The following FAM222A variants were observed in gnomAD, a reference collection of about 807,000 sequenced individuals.
The protein encoded by FAM222A is family with sequence similarity 222 member A.
In FAM222A, 7 loss-of-function variants were observed where a neutral mutation model predicts 25.8. That is an observed-to-expected ratio of 0.27 (90% CI 0.15 to 0.51). The LOEUF (loss-of-function observed/expected upper bound fraction) is 0.51. Ranked by LOEUF, FAM222A falls within the 20% of genes least tolerant of loss-of-function variation. FAM222A has a pLI of 0.97. For synonymous variants in FAM222A, 294 were observed against 298.8 expected, an observed-to-expected ratio of 0.98 and a Z score of 0.17; for missense variants, 573 against 640.5, an observed-to-expected ratio of 0.89 and a Z score of 1.14.
At chr12:109,761,983 C>A (rs1395131642) in intron 2 of FAM222A, among the ~76,000 whole-genome samples, 1 of 152,116 alleles carries the variant, frequency 6.6e-6, no homozygotes, top group Non-Finnish European at 1.5e-5. Flanking sequence ...CCAGCTGTGC[C>A]AGGTCCCATG....
rs138993259 is a variant in FAM222A at position 109,769,225 on chromosome 12, G to A, written c.1296G>A (p.Thr432=). The A allele has an allele frequency of 1.2e-4, 193 of 1,611,740 alleles. No individual in the cohort carries two copies. Among genetic ancestry groups the A allele is most frequent in the Non-Finnish European group, 1.5e-4 (178 of 1,179,622 alleles). Residue 432 remains threonine (T), a synonymous_variant, in exon 3 of 3, where the codon ACG becomes ACA. Coordinates refer to ENST00000538780, the MANE Select transcript of FAM222A (RefSeq NM_032829.3). ...KEQMLGKGYE[T]VAVPRLLDHQ... ...AGATGCTGGGCAAGGGCTATGAGAC[G>A]GTGGCCGTGCCCCGGCTACTCGACC...
At chr12:109,757,616 G>A (rs374346814) in intron 2 of FAM222A, among the ~76,000 whole-genome samples, 2 of 152,122 alleles carry the variant, frequency 1.3e-5, no homozygotes, top group African/African-American at 2.4e-5. Flanking sequence ...GGATAGAAAG[G>A]ATTTCCAAAA....
chr12:109,730,739 TC>T (rs1887932315), intron 1 of FAM222A, among the ~76,000 whole-genome samples: 1 of 152,184 alleles, frequency 6.6e-6, no homozygotes, highest in Admixed American at 6.5e-5. Flanking sequence ...GTGACTGCAC[TC>T]GTTGGAGCAT....
In FAM222A at chr12:109,719,297, C is replaced by T. The variant is rs562794073; in HGVS notation, c.-47+4400C>T. ...AGAGAAGGTATTATACTTTGCTGCC[C>T]GAGGTCACACAGCCAGGGAGTGGCA... On this transcript the variant is annotated intron_variant, in intron 1 of 2. Coordinates refer to ENST00000538780, the MANE Select transcript of FAM222A (RefSeq NM_032829.3). Among the ~76,000 whole-genome samples, 8 of 152,244 alleles carry T rather than the reference C, an allele frequency of 5.3e-5. No individual in the cohort carries two copies. The East Asian group carries it at 1.4e-3, about 26-fold the overall frequency.
At chr12:109,730,640 C>T (rs1887930363) in intron 1 of FAM222A, among the ~76,000 whole-genome samples, 1 of 152,156 alleles carries the variant, frequency 6.6e-6, no homozygotes, top group Non-Finnish European at 1.5e-5. Flanking sequence ...ATTGGGGTTG[C>T]GTGGGCGTGT....
Position 109,768,582 on chromosome 12 carries a change from C to T in FAM222A, c.653C>T (p.Pro218Leu). 1 of 1,602,314 alleles carries T rather than the reference C, an allele frequency of 6.2e-7. No homozygotes were observed. Reference protein sequence around the residue: ...QQCQAPGAAPPACQGMAIPHP... With the variant: ...QQCQAPGAAPLACQGMAIPHP... ...TGCCAGGCCCCGGGCGCCGCACCCCCTGCCTGCCAGGGCATGGCTATTCCC... is the reference window on the plus strand; with the variant it reads ...TGCCAGGCCCCGGGCGCCGCACCCCTTGCCTGCCAGGGCATGGCTATTCCC... Residue 218 changes from proline to leucine, a missense_variant, in exon 3 of 3, where the codon CCT becomes CTT. Transcript: ENST00000538780.
intron 2 of FAM222A, among the ~76,000 whole-genome samples, chr12:109,760,945 G>A (rs1248041808): frequency 2.0e-5 from 3 of 152,164 alleles, no homozygotes; most frequent in African/African-American, 7.2e-5. Context: ...GAAAGAGGCA[G>A]CTGGGAGCTT....
At chr12:109,759,561 C>A (rs547014442) in intron 2 of FAM222A, among the ~76,000 whole-genome samples, 2 of 152,222 alleles carry the variant, frequency 1.3e-5, no homozygotes, top group African/African-American at 4.8e-5. Context: ...TTTAACACAC[C>A]TGTAAAAGGC....
At chr12:109,727,397 C>T (rs1183435278) in intron 1 of FAM222A, among the ~76,000 whole-genome samples, 1 of 152,194 alleles carries the variant, frequency 6.6e-6, no homozygotes, top group East Asian at 1.9e-4. Flanking sequence ...TGGCCGACAC[C>T]TCCAGGGGAC....
chr12:109,748,764 A>G (rs1286063516), intron 2 of FAM222A, among the ~76,000 whole-genome samples: 1 of 152,094 alleles, frequency 6.6e-6, no homozygotes, highest in Non-Finnish European at 1.5e-5. Context: ...TCATTAGGTT[A>G]GTTAGCTAAT....
intron 2 of FAM222A, among the ~76,000 whole-genome samples, chr12:109,762,385 A>G (rs1565847372): frequency 2.6e-5 from 4 of 152,214 alleles, no homozygotes; most frequent in Admixed American, 1.3e-4. Context: ...GGAGGTCCCA[A>G]GAGAACATAT....
In FAM222A at chr12:109,744,082, C is replaced by T; in HGVS notation, c.-46-19C>T. 6.3e-7 allele frequency: 1 copy of T among 1,579,030 alleles called. No individual in the cohort carries two copies. The highest frequency in any genetic ancestry group is 2.3e-5 in the East Asian group (1 of 44,194). ...GGAGCAGCCCCCAAGTGACAGAGCACCCCATCTTCCTCCTGCAGGGACCCA... is the reference window on the plus strand; with the variant it reads ...GGAGCAGCCCCCAAGTGACAGAGCATCCCATCTTCCTCCTGCAGGGACCCA... On this transcript the variant is annotated intron_variant, in intron 1 of 2. Transcript: ENST00000538780.
At chr12:109,758,313 A>T (rs1427850362) in intron 2 of FAM222A, among the ~76,000 whole-genome samples, 1 of 152,216 alleles carries the variant, frequency 6.6e-6, no homozygotes, top group African/African-American at 2.4e-5. Context: ...AGAAAGAGCT[A>T]AAAGGAAGGT....
chr12:109,763,907 C>T (rs1888968414), intron 2 of FAM222A, among the ~76,000 whole-genome samples: 1 of 152,056 alleles, frequency 6.6e-6, no homozygotes, highest in Non-Finnish European at 1.5e-5. Context: ...GTTGGGGCCT[C>T]CAAACGAGAG....
chr12:109,746,480 C>T (rs1011262550), intron 2 of FAM222A, among the ~76,000 whole-genome samples: 1 of 151,606 alleles, frequency 6.6e-6, no homozygotes, highest in African/African-American at 2.4e-5. Flanking sequence ...CAGAGTGAGA[C>T]TTGGTCTCAA....
At chr12:109,733,715 A>C (rs1888005747) in intron 1 of FAM222A, among the ~76,000 whole-genome samples, 1 of 152,144 alleles carries the variant, frequency 6.6e-6, no homozygotes, top group East Asian at 1.9e-4. Flanking sequence ...CCATTATTAC[A>C]TATTTCTATC....
At chr12:109,721,420 C>CA (rs1164754224) in intron 1 of FAM222A, among the ~76,000 whole-genome samples, 2 of 152,086 alleles carry the variant, frequency 1.3e-5, no homozygotes, top group African/African-American at 4.8e-5. Flanking sequence ...AAATCTGTGG[C>CA]AGGCCTGGCT....
chr12:109,745,540 G>A (rs978404573), intron 2 of FAM222A, among the ~76,000 whole-genome samples: 5 of 152,204 alleles, frequency 3.3e-5, no homozygotes, highest in Admixed American at 3.3e-4. Context: ...TTTAGATGGT[G>A]TATCTGTGGA....
chr12:109,763,727 T>A (rs1274646996), intron 2 of FAM222A, among the ~76,000 whole-genome samples: 1 of 152,220 alleles, frequency 6.6e-6, no homozygotes, highest in Non-Finnish European at 1.5e-5. Flanking sequence ...ATACTAGTTA[T>A]ACAGGTCAGT....
Sources: allele counts gnomAD v4.1 joint callset (sites outside exome capture counted in the v4.1 genomes callset), GRCh38; gene constraint gnomAD v4.1.1; transcripts MANE v1.5; gene names NCBI Gene and HGNC (gene_info 2026-07-23, HGNC 2026-07-21).